Variants in FGF14 observed in about 807,000 individuals in gnomAD.
FGF14 encodes fibroblast growth factor 14, also known as fibroblast growth factor homologous factor 4.
In FGF14, 5 loss-of-function variants were observed where a neutral mutation model predicts 25.5. The observed-to-expected ratio is 0.20, with a 90% CI of 0.10 to 0.41. The LOEUF (loss-of-function observed/expected upper bound fraction) is 0.41, where lower values mean the gene tolerates loss of function less well. Ranked by LOEUF, FGF14 falls within the 10% of genes least tolerant of loss-of-function variation. The pLI is 1.00. For missense variants in FGF14, 222 were observed against 320.1 expected, an observed-to-expected ratio of 0.69 and a Z score of 2.34; for synonymous variants, 138 against 118.3, an observed-to-expected ratio of 1.17 and a Z score of -1.08.
chr13:102,045,687 C>T (rs953507272), intron 1 of FGF14, among the ~76,000 whole-genome samples: 3 of 152,096 alleles, frequency 2.0e-5, no homozygotes, highest in African/African-American at 7.2e-5. Context: ...ATCCCTGATA[C>T]AGTTTAGAGA....
intron 1 of FGF14, among the ~76,000 whole-genome samples, chr13:101,895,744 C>T (rs977623884): frequency 5.3e-5 from 8 of 152,068 alleles, no homozygotes; most frequent in Non-Finnish European, 1.2e-4. Context: ...TATTTAGAGA[C>T]AAAAATGAAA....
At chr13:102,184,919 T>A (rs984402134) in intron 1 of FGF14, among the ~76,000 whole-genome samples, 1 of 152,158 alleles carries the variant, frequency 6.6e-6, no homozygotes. Context: ...AAATTGGACA[T>A]CACTCAAGTA....
chr13:101,919,749 T>C (rs1053411482), upstream of FGF14, among the ~76,000 whole-genome samples: 1 of 152,192 alleles, frequency 6.6e-6, no homozygotes. Flanking sequence ...CTCACTTTTT[T>C]CCCTCATGAT....
In FGF14 at chr13:102,070,189, T is replaced by C. The variant is rs539818785; in HGVS notation, c.209-194893A>G. ...GCTCAAACAACTCAATAAGAAAAAT[T>C]TGAATAATCTGATTACAAAATGGGC... On this transcript the variant is annotated intron_variant, in intron 1 of 4. Coordinates refer to the FGF14 transcript ENST00000376131. 2.1e-3 allele frequency among the ~76,000 whole-genome samples: 315 copies of C among 152,192 alleles called. 1 individual carries two copies. Among genetic ancestry groups the C allele is most frequent in the Admixed American group, 3.2e-3 (49 of 15,286 alleles).
intron 1 of FGF14, among the ~76,000 whole-genome samples, chr13:102,275,262 T>TCTCTCTCTCTCTCTCTCTCTCTC (rs1555391875): frequency 1.0e-4 from 7 of 68,914 alleles, no homozygotes; most frequent in East Asian, 7.7e-4. Context: ...CTCTCTCTCT[T>TCTCTCTCTCTCTCTCTCTCTCTC]TCTCTCTCTC....
intron 1 of FGF14, among the ~76,000 whole-genome samples, chr13:102,016,775 C>A (rs767792361): frequency 6.6e-6 from 1 of 152,118 alleles, no homozygotes; most frequent in East Asian, 1.9e-4. Flanking sequence ...TATGAGCCAC[C>A]AAGCACAGCA....
At chr13:101,807,037 G>A (rs766334661) in intron 3 of FGF14, among the ~76,000 whole-genome samples, 10 of 151,922 alleles carry the variant, frequency 6.6e-5, no homozygotes, top group South Asian at 2.1e-4. Context: ...AAAAGGAAGC[G>A]GAGAAGATTA....
At chr13:101,805,421 G>T (rs1199028339) in intron 3 of FGF14, among the ~76,000 whole-genome samples, 11 of 152,064 alleles carry the variant, frequency 7.2e-5, no homozygotes, top group African/African-American at 2.4e-4. Context: ...GGTTCCAAAG[G>T]CTTTGAAATT....
chr13:101,847,050 C>T (rs1364287106), intron 3 of FGF14, among the ~76,000 whole-genome samples: 1 of 151,986 alleles, frequency 6.6e-6, no homozygotes, highest in Non-Finnish European at 1.5e-5. Context: ...TTAAAACATT[C>T]GACCTATGAT....
chr13:102,303,842 T>A (rs186699837), intron 1 of FGF14, among the ~76,000 whole-genome samples: 1 of 152,284 alleles, frequency 6.6e-6, no homozygotes. Context: ...GTCTTTAAAA[T>A]TCAAACTGCA....
chr13:101,814,135 C>T (rs746614325), intron 3 of FGF14, among the ~76,000 whole-genome samples: 62 of 152,160 alleles, frequency 4.1e-4, no homozygotes, highest in Non-Finnish European at 6.2e-4. Context: ...AGCATGGTTT[C>T]CAGAACAGAA....
At chr13:102,304,532 C>G (rs1594792098) in intron 1 of FGF14, among the ~76,000 whole-genome samples, 1 of 152,056 alleles carries the variant, frequency 6.6e-6, no homozygotes, top group South Asian at 2.1e-4. Context: ...TCCTAACCAG[C>G]CTTCAAGAGG....
chr13:101,759,268 G>A (rs989982529), intron 3 of FGF14, among the ~76,000 whole-genome samples: 3 of 152,152 alleles, frequency 2.0e-5, no homozygotes, highest in African/African-American at 7.2e-5. Flanking sequence ...TCTCAACTGG[G>A]AGTCTGAATC....
chr13:102,170,634 C>T (rs751159933), intron 1 of FGF14, among the ~76,000 whole-genome samples: 10 of 151,956 alleles, frequency 6.6e-5, no homozygotes, highest in Non-Finnish European at 1.3e-4. Context: ...ATAGGTGGGC[C>T]GAGATGTCCC....
intron 1 of FGF14, among the ~76,000 whole-genome samples, chr13:102,180,674 G>A (rs544663981): frequency 1.3e-5 from 2 of 152,244 alleles, no homozygotes; most frequent in South Asian, 2.1e-4. Context: ...TTTCCTAAGC[G>A]AGAAGCCTAG....
intron 1 of FGF14, among the ~76,000 whole-genome samples, chr13:102,232,666 A>G (rs566668571): frequency 6.6e-6 from 1 of 152,222 alleles, no homozygotes; most frequent in Admixed American, 6.5e-5. Context: ...AGTATAGCTA[A>G]TGTATATTTT....
At chr13:102,210,297 A>G (rs929170017) in intron 1 of FGF14, among the ~76,000 whole-genome samples, 1 of 152,076 alleles carries the variant, frequency 6.6e-6, no homozygotes, top group African/African-American at 2.4e-5. Flanking sequence ...GAAAGGATAG[A>G]AAAATTTCCA....
intron 3 of FGF14, among the ~76,000 whole-genome samples, chr13:101,760,009 T>C (rs1175312234): frequency 1.3e-5 from 2 of 152,164 alleles, no homozygotes; most frequent in Non-Finnish European, 2.9e-5. Context: ...TGTTTCTTCA[T>C]CTAATACCAA....
intron 1 of FGF14, among the ~76,000 whole-genome samples, chr13:102,121,269 C>A (rs139012948): frequency 1.5e-3 from 230 of 152,136 alleles, no homozygotes; most frequent in African/African-American, 5.1e-3. Flanking sequence ...TGGGGCATTG[C>A]CTACAGGTGG....
Sources: allele counts gnomAD v4.1 joint callset (sites outside exome capture counted in the v4.1 genomes callset), GRCh38; gene constraint gnomAD v4.1.1; transcripts MANE v1.5; gene names NCBI Gene and HGNC (gene_info 2026-07-23, HGNC 2026-07-21).